Variants in FSTL5 observed in about 807,000 individuals in gnomAD.
FSTL5 encodes follistatin-related protein 5.
Under a neutral mutation model 89.1 loss-of-function variants are expected in FSTL5, and 62 were observed. The observed-to-expected ratio is 0.70, with a 90% CI of 0.57 to 0.86. The LOEUF (loss-of-function observed/expected upper bound fraction) is 0.86, where lower values mean the gene tolerates loss of function less well. Among genes scored for constraint, FSTL5 ranks in the 40% least tolerant of loss-of-function variants. The pLI, the probability that FSTL5 is intolerant of heterozygous loss-of-function variation, is 0.00. For synonymous variants in FSTL5, 383 were observed against 346.2 expected (o/e 1.11, Z -1.18); for missense variants, 1,057 against 1,001.6 (o/e 1.06, Z -0.75).
At chr4:161,619,799 G>T (rs1735046726) in intron 7 of FSTL5, among the ~76,000 whole-genome samples, 1 of 152,080 alleles carries the variant, frequency 6.6e-6, no homozygotes, top group South Asian at 2.1e-4. Context: ...CAGGGACCTA[G>T]AACTAGAAAT....
chr4:161,477,662 C>A (rs548690527), intron 13 of FSTL5, among the ~76,000 whole-genome samples: 6 of 151,690 alleles, frequency 4.0e-5, no homozygotes, highest in African/African-American at 1.4e-4. Flanking sequence ...ATTTAATCAT[C>A]CTCCTCTTTT....
chr4:161,587,555 G>A lies in FSTL5; in HGVS notation c.915C>T (p.Ser305=). The A allele has an allele frequency of 6.2e-7, 1 of 1,608,036 alleles. No individual in the cohort carries two copies. The highest frequency in any genetic ancestry group is 8.5e-7 in the Non-Finnish European group (1 of 1,176,120). ...TTGTGGTAACCTTAGTAATATACAA[G>A]GACCCATCATCTCCAAAGTCCTATT... The part of the protein sequence containing the change: ...EDINDFGDDG[S]LYITKVTTTH... The change falls in exon 8 of 16, where the codon TCC becomes TCT. Residue 305 remains serine, a synonymous_variant. Coordinates refer to ENST00000306100, the MANE Select transcript of FSTL5 (RefSeq NM_020116.5).
chr4:161,922,007 C>G (rs1416505113), intron 3 of FSTL5, among the ~76,000 whole-genome samples: 1 of 151,984 alleles, frequency 6.6e-6, no homozygotes, highest in African/African-American at 2.4e-5. Context: ...GAAGCTCATA[C>G]ATTAATTTTA....
At chr4:161,390,565 G>C (rs531830390) in intron 15 of FSTL5, among the ~76,000 whole-genome samples, 5 of 151,862 alleles carry the variant, frequency 3.3e-5, no homozygotes, top group African/African-American at 9.7e-5. Flanking sequence ...CATAAAACAG[G>C]GTTCCAGGCC....
chr4:161,708,685 G>A (rs183236141), intron 6 of FSTL5, among the ~76,000 whole-genome samples: 292 of 151,728 alleles, frequency 1.9e-3, no homozygotes, highest in African/African-American at 5.0e-3. Flanking sequence ...ACTTTGTTGC[G>A]TGATGTTTTT....
chr4:162,080,049 G>A (rs1730029521), intron 2 of FSTL5, among the ~76,000 whole-genome samples: 1 of 151,432 alleles, frequency 6.6e-6, no homozygotes, highest in Non-Finnish European at 1.5e-5. Flanking sequence ...CAGGAAAAGT[G>A]TATCCACCTC....
chr4:162,059,160 G>A (rs971069755), intron 2 of FSTL5, among the ~76,000 whole-genome samples: 11 of 152,138 alleles, frequency 7.2e-5, no homozygotes, highest in Non-Finnish European at 1.6e-4. Flanking sequence ...ATCAAAATAA[G>A]TTTGAGATAA....
intron 13 of FSTL5, among the ~76,000 whole-genome samples, chr4:161,466,916 T>TTAA (rs1191504563): frequency 6.6e-6 from 1 of 152,048 alleles, no homozygotes; most frequent in African/African-American, 2.4e-5. Flanking sequence ...ATTTCTCATT[T>TTAA]TAATAATAAT....
At chr4:161,860,286 T>TCAAACAAA (rs10690156) in intron 4 of FSTL5, among the ~76,000 whole-genome samples, 5,939 of 149,862 alleles carry the variant, frequency 0.04, 173 homozygotes, top group African/African-American at 0.085. Flanking sequence ...AGACTCCGTC[T>TCAAACAAA]CAAACAAACA....
chr4:161,746,224 G>A (rs773556940), intron 6 of FSTL5, among the ~76,000 whole-genome samples: 1 of 151,876 alleles, frequency 6.6e-6, no homozygotes, highest in Non-Finnish European at 1.5e-5. Context: ...TTGTTGACAG[G>A]ATTATTACTA....
chr4:161,836,107 T>C (rs1038876918), intron 4 of FSTL5, among the ~76,000 whole-genome samples: 4 of 151,862 alleles, frequency 2.6e-5, no homozygotes, highest in Non-Finnish European at 4.4e-5. Context: ...ATATACACCA[T>C]GGAATACTAT....
intron 3 of FSTL5, among the ~76,000 whole-genome samples, chr4:161,954,936 T>G (rs1211406868): frequency 6.6e-6 from 1 of 151,602 alleles, no homozygotes; most frequent in Non-Finnish European, 1.5e-5. Context: ...TGATAAAAGT[T>G]GTAATATACA....
At chr4:162,143,984 C>T (rs565077549) in intron 1 of FSTL5, among the ~76,000 whole-genome samples, 73 of 152,190 alleles carry the variant, frequency 4.8e-4, no homozygotes, top group African/African-American at 1.7e-3. Context: ...ACTAAAAAAG[C>T]TCAAGATATT....
In FSTL5 at chr4:161,528,499, A is replaced by G. The variant is rs1246977224; in HGVS notation, c.1312+9667T>C. ...CTGGTATTTGGGTAAATAGAGGACA[A>G]TAGGAAACACAGTTGTATAATCTGG... On this transcript the variant is annotated intron_variant, in intron 10 of 15. Coordinates refer to ENST00000306100, the MANE Select transcript of FSTL5 (RefSeq NM_020116.5). 1.4e-5 allele frequency among the ~76,000 whole-genome samples: 2 copies of G among 142,972 alleles called. 1 individual carries two copies. Among genetic ancestry groups the G allele is most frequent in the African/African-American group, 5.0e-5 (2 of 39,910 alleles). 93.8% of individuals were successfully genotyped at this position (142,972 alleles called of 152,430 possible).
chr4:161,964,074 A>C (rs1402327460), intron 3 of FSTL5, among the ~76,000 whole-genome samples: 2 of 152,030 alleles, frequency 1.3e-5, no homozygotes, highest in African/African-American at 4.8e-5. Context: ...AATGCTAAAT[A>C]CTAGCTATTC....
At chr4:161,828,154 A>G (rs1240395793) in intron 4 of FSTL5, among the ~76,000 whole-genome samples, 1 of 152,130 alleles carries the variant, frequency 6.6e-6, no homozygotes, top group Non-Finnish European at 1.5e-5. Flanking sequence ...TTCTATCACT[A>G]TATTTTGCTT....
chr4:161,718,705 G>C (rs1489871499), intron 6 of FSTL5, among the ~76,000 whole-genome samples: 1 of 152,112 alleles, frequency 6.6e-6, no homozygotes, highest in Non-Finnish European at 1.5e-5. Context: ...TGGGATTACA[G>C]GTGTGAGCCA....
intron 12 of FSTL5, among the ~76,000 whole-genome samples, chr4:161,490,931 T>C (rs1729849291): frequency 3.9e-4 from 1 of 2,570 alleles, no homozygotes; most frequent in Non-Finnish European, 0.013. Flanking sequence ...GATTTGTTTT[T>C]TAAAAAAATC....
intron 8 of FSTL5, among the ~76,000 whole-genome samples, chr4:161,553,195 A>C (rs940448429): frequency 6.6e-6 from 1 of 151,544 alleles, no homozygotes; most frequent in African/African-American, 2.4e-5. Flanking sequence ...CAACCTAAAT[A>C]GTTTAAACTA....
Sources: allele counts gnomAD v4.1 joint callset (sites outside exome capture counted in the v4.1 genomes callset), GRCh38; gene constraint gnomAD v4.1.1; transcripts MANE v1.5; gene names NCBI Gene and HGNC (gene_info 2026-07-23, HGNC 2026-07-21).